The following GPC6 variants were observed in gnomAD, a reference collection of about 807,000 sequenced individuals.
The protein encoded by GPC6 is glypican 6.
In GPC6, 14 loss-of-function variants were observed where a neutral mutation model predicts 55.2. That is an observed-to-expected ratio of 0.25 (90% CI 0.17 to 0.40). GPC6 has a LOEUF of 0.40. Among genes scored for constraint, GPC6 ranks in the 10% least tolerant of loss-of-function variants. The pLI, the probability that GPC6 is intolerant of heterozygous loss-of-function variation, is 1.00. For missense variants in GPC6, 641 were observed against 708.5 expected (o/e 0.90, Z 1.08); for synonymous variants, 278 against 259.6 (o/e 1.07, Z -0.68).
intron 1 of GPC6, among the ~76,000 whole-genome samples, chr13:93,364,997 G>T (rs1022987583): frequency 6.6e-6 from 1 of 151,852 alleles, no homozygotes; most frequent in Non-Finnish European, 1.5e-5. Context: ...AATAGTCTTA[G>T]CTCCATGTTC....
chr13:94,094,730 G>A (rs951402809), intron 4 of GPC6, among the ~76,000 whole-genome samples: 1 of 152,062 alleles, frequency 6.6e-6, no homozygotes, highest in Non-Finnish European at 1.5e-5. Context: ...GATAATCAGA[G>A]CTCTGTGTCA....
chr13:93,217,514 T>A, the GPC6 span, among the ~76,000 whole-genome samples: 1 of 152,230 alleles, frequency 6.6e-6, no homozygotes, highest in East Asian at 1.9e-4. Flanking sequence ...TTTCTTTTCC[T>A]CTCAAATTTG....
intron 2 of GPC6, among the ~76,000 whole-genome samples, chr13:93,611,343 CTAAT>C (rs1184583941): frequency 6.6e-6 from 1 of 151,970 alleles, no homozygotes; most frequent in African/African-American, 2.4e-5. Flanking sequence ...TAGGTTAAAT[CTAAT>C]TAACTATAAT....
At chr13:93,715,781 A>G (rs760121037) in intron 2 of GPC6, among the ~76,000 whole-genome samples, 1 of 151,810 alleles carries the variant, frequency 6.6e-6, no homozygotes, top group East Asian at 2.0e-4. Flanking sequence ...TTGGCATATC[A>G]TGAGGATTAA....
At chr13:93,949,479 G>T (rs1005294980) in intron 3 of GPC6, among the ~76,000 whole-genome samples, 11 of 152,076 alleles carry the variant, frequency 7.2e-5, no homozygotes, top group Non-Finnish European at 1.3e-4. Context: ...GATTTTCAAG[G>T]ATCCCCAAGT....
chr13:93,443,619 A>T (rs1566360397), intron 1 of GPC6, among the ~76,000 whole-genome samples: 1 of 152,152 alleles, frequency 6.6e-6, no homozygotes, highest in Non-Finnish European at 1.5e-5. Context: ...CATAGTTTAA[A>T]ATGAGAGTGA....
intron 3 of GPC6, among the ~76,000 whole-genome samples, chr13:93,997,494 G>A (rs1246773233): frequency 6.6e-6 from 1 of 151,948 alleles, no homozygotes; most frequent in Non-Finnish European, 1.5e-5. Context: ...CTAAGGCTAT[G>A]GTAGAAGACC....
At chr13:93,980,665 C>T (rs1566632716) in intron 3 of GPC6, among the ~76,000 whole-genome samples, 1 of 152,138 alleles carries the variant, frequency 6.6e-6, no homozygotes, top group Non-Finnish European at 1.5e-5. Context: ...CTCCTGTCTC[C>T]AGGAGGTGGG....
intron 2 of GPC6, among the ~76,000 whole-genome samples, chr13:93,783,735 A>G (rs1411510): frequency 0.33 from 50,315 of 151,864 alleles, 8,772 homozygotes; most frequent in African/African-American, 0.44. Context: ...CTACCATCAT[A>G]TCCTATCATG....
At chr13:93,732,707 G>T (rs561561009) in intron 2 of GPC6, among the ~76,000 whole-genome samples, 5 of 152,212 alleles carry the variant, frequency 3.3e-5, no homozygotes, top group Admixed American at 2.6e-4. Context: ...TATAGACTCA[G>T]ATGTGTCACT....
intron 4 of GPC6, among the ~76,000 whole-genome samples, chr13:94,234,718 TCCTC>T (rs1448560105): frequency 6.6e-6 from 1 of 152,068 alleles, no homozygotes; most frequent in Non-Finnish European, 1.5e-5. Context: ...AAGTTTCTCT[TCCTC>T]CCAGGAATTA....
At chr13:93,521,989 T>G (rs1334713379) in intron 1 of GPC6, among the ~76,000 whole-genome samples, 1 of 152,038 alleles carries the variant, frequency 6.6e-6, no homozygotes, top group African/African-American at 2.4e-5. Flanking sequence ...TATCCTTAGC[T>G]TTCCTTTTAA....
intron 3 of GPC6, among the ~76,000 whole-genome samples, chr13:93,955,778 A>G (rs1879482679): frequency 6.6e-6 from 1 of 152,218 alleles, no homozygotes; most frequent in Non-Finnish European, 1.5e-5. Context: ...GCAAAGCAAT[A>G]AACCTTACTT....
At chr13:94,365,052 A>T (rs1374000230) in intron 6 of GPC6, among the ~76,000 whole-genome samples, 1 of 152,192 alleles carries the variant, frequency 6.6e-6, no homozygotes. Context: ...TGGGACACAC[A>T]TCTGCTAGGA....
chr13:94,141,982 G>A (rs1207411326), intron 4 of GPC6, among the ~76,000 whole-genome samples: 1 of 151,828 alleles, frequency 6.6e-6, no homozygotes, highest in Admixed American at 6.6e-5. Flanking sequence ...GATGAAAACT[G>A]ACCTTTTTTT....
chr13:94,278,853 G>T (rs1892289634), intron 4 of GPC6, among the ~76,000 whole-genome samples: 1 of 152,128 alleles, frequency 6.6e-6, no homozygotes, highest in African/African-American at 2.4e-5. Flanking sequence ...TTTTATTGAG[G>T]ATTTTCACAT....
chr13:93,653,211 C>T (rs1880496163), intron 2 of GPC6, among the ~76,000 whole-genome samples: 1 of 152,124 alleles, frequency 6.6e-6, no homozygotes. Flanking sequence ...CTGAAAGTAT[C>T]CTATAGTTAT....
chr13:93,730,624 A>C (rs1883789796), intron 2 of GPC6, among the ~76,000 whole-genome samples: 1 of 152,192 alleles, frequency 6.6e-6, no homozygotes. Context: ...CCTCTGGTTG[A>C]TATGTGCTTC....
chr13:93,453,631 G>A (rs11841335), intron 1 of GPC6, among the ~76,000 whole-genome samples: 32,585 of 150,768 alleles, frequency 0.22, 3,689 homozygotes, highest in Middle Eastern at 0.29. Context: ...CTTCCTTTTC[G>A]TGGGTTCGCG....
Sources: allele counts gnomAD v4.1 joint callset (sites outside exome capture counted in the v4.1 genomes callset), GRCh38; gene constraint gnomAD v4.1.1; transcripts MANE v1.5; gene names NCBI Gene and HGNC (gene_info 2026-07-23, HGNC 2026-07-21).